The following GRM7 variants were observed in gnomAD, a reference collection of about 807,000 sequenced individuals.
GRM7 encodes the protein metabotropic glutamate receptor 7.
Under a neutral mutation model 84.5 loss-of-function variants are expected in GRM7, and 35 were observed. That is an observed-to-expected ratio of 0.41 (90% CI 0.32 to 0.55). The LOEUF (loss-of-function observed/expected upper bound fraction) is 0.55. GRM7 is among the 20% of genes least tolerant of loss of function. The pLI, the probability that GRM7 is intolerant of heterozygous loss-of-function variation, is 0.19. For missense variants in GRM7, 1,003 were observed against 1,194.6 expected, an observed-to-expected ratio of 0.84 and a Z score of 2.36; for synonymous variants, 487 against 455.1, an observed-to-expected ratio of 1.07 and a Z score of -0.89.
At chr3:7,624,450 A>G (rs2125090862) in intron 8 of GRM7, among the ~76,000 whole-genome samples, 1 of 151,358 alleles carries the variant, frequency 6.6e-6, no homozygotes, top group African/African-American at 2.4e-5. Flanking sequence ...ACGTAATTAT[A>G]CATACATATA....
chr3:7,387,480 G>A (rs1184338841), intron 4 of GRM7, among the ~76,000 whole-genome samples: 1 of 152,130 alleles, frequency 6.6e-6, no homozygotes, highest in Non-Finnish European at 1.5e-5. Flanking sequence ...GTGAGAGATA[G>A]GGATCAAGTT....
At chr3:7,662,093 A>G (rs1699484228) in intron 8 of GRM7, among the ~76,000 whole-genome samples, 1 of 152,232 alleles carries the variant, frequency 6.6e-6, no homozygotes, top group Non-Finnish European at 1.5e-5. Context: ...ATATTGATAC[A>G]TGCAATAATA....
At chr3:7,428,595 A>G (rs1696704624) in intron 5 of GRM7, among the ~76,000 whole-genome samples, 1 of 152,076 alleles carries the variant, frequency 6.6e-6, no homozygotes, top group Non-Finnish European at 1.5e-5. Flanking sequence ...CACTCATGGG[A>G]AGATGTTTGC....
intron 1 of GRM7, among the ~76,000 whole-genome samples, chr3:7,029,315 C>CAAACAA (rs1559393960): frequency 3.2e-5 from 3 of 92,832 alleles, no homozygotes; most frequent in Admixed American, 1.1e-4. Context: ...AAAAAAAAAA[C>CAAACAA]AAAAAAAAAA....
At chr3:6,972,445 C>A (rs1277525532) in intron 1 of GRM7, among the ~76,000 whole-genome samples, 1 of 152,152 alleles carries the variant, frequency 6.6e-6, no homozygotes, top group African/African-American at 2.4e-5. Context: ...CTCAGAAATC[C>A]ATAATGATAC....
intron 2 of GRM7, among the ~76,000 whole-genome samples, chr3:7,272,686 G>A (rs76505800): frequency 0.028 from 4,196 of 151,932 alleles, 113 homozygotes; most frequent in African/African-American, 0.067. Context: ...CTTGGGATTC[G>A]TAGTGATGTG....
intron 9 of GRM7, among the ~76,000 whole-genome samples, chr3:7,701,317 T>TG (rs1701219199): frequency 6.8e-6 from 1 of 147,998 alleles, no homozygotes; most frequent in African/African-American, 2.5e-5. Flanking sequence ...TTTTTTTTTT[T>TG]TGAGACGGAA....
At chr3:7,162,159 T>C (rs748685408) in intron 2 of GRM7, among the ~76,000 whole-genome samples, 1 of 152,146 alleles carries the variant, frequency 6.6e-6, no homozygotes, top group South Asian at 2.1e-4. Flanking sequence ...AGTGAAGCAG[T>C]TGAACAGGTA....
At chr3:7,221,804 A>ATTTTTTT (rs540956206) in intron 2 of GRM7, among the ~76,000 whole-genome samples, 23 of 97,350 alleles carry the variant, frequency 2.4e-4, no homozygotes, top group East Asian at 5.9e-4. Flanking sequence ...AATTTCTTGT[A>ATTTTTTT]TTTTTTTTTT....
At chr3:6,951,439 T>C (rs1692759386) in intron 1 of GRM7, among the ~76,000 whole-genome samples, 1 of 152,320 alleles carries the variant, frequency 6.6e-6, no homozygotes, top group South Asian at 2.1e-4. Context: ...AATTTCCCCT[T>C]AAGTACTACT....
intron 2 of GRM7, among the ~76,000 whole-genome samples, chr3:7,163,715 T>G (rs1694708783): frequency 1.3e-5 from 2 of 152,142 alleles, no homozygotes; most frequent in South Asian, 2.1e-4. Context: ...AACTGAACTA[T>G]GTGAAGAACT....
At chr3:7,224,119 ATT>A (rs1415900969) in intron 2 of GRM7, among the ~76,000 whole-genome samples, 1 of 152,186 alleles carries the variant, frequency 6.6e-6, no homozygotes, top group African/African-American at 2.4e-5. Context: ...ACATCTGGCT[ATT>A]TAAAAAGAAA....
chr3:7,029,328 CAA>C (rs1239487786), intron 1 of GRM7, among the ~76,000 whole-genome samples: 56 of 140,084 alleles, frequency 4.0e-4, no homozygotes, highest in Non-Finnish European at 7.8e-4. Flanking sequence ...AAAAAAAAAA[CAA>C]ACAAAAAAAA....
rs186833216 is a variant in GRM7, at chr3:7,113,182, C to A, written c.520-33270C>A. 2.9e-3 allele frequency among the ~76,000 whole-genome samples: 439 copies of A among 151,610 alleles called. 3 individuals are homozygous for A. Among genetic ancestry groups the A allele is most frequent in the African/African-American group, 0.01 (426 of 41,328 alleles). On this transcript the variant is annotated intron_variant, in intron 1 of 9. Coordinates refer to ENST00000357716, the MANE Select transcript of GRM7 (RefSeq NM_000844.4). The stretch of plus-strand genomic sequence containing the variant: ...TACTTGAAATGTTTCTTTCAAAATA[C>A]GTGAAAAAAATTAAAAAATATGTAC...
intron 1 of GRM7, among the ~76,000 whole-genome samples, chr3:7,092,133 G>C (rs1232563997): frequency 2.0e-5 from 3 of 151,944 alleles, no homozygotes; most frequent in Non-Finnish European, 2.9e-5. Flanking sequence ...CTCAACCTCC[G>C]GAGAAGCTGG....
chr3:6,868,548 C>T lies in GRM7; in HGVS notation c.519+6641C>T, dbSNP rs533903213. 5.9e-5 allele frequency among the ~76,000 whole-genome samples: 9 copies of T among 152,196 alleles called. No individual in the cohort carries two copies. The East Asian group carries it at 1.4e-3, about 23-fold the overall frequency. On this transcript the variant is annotated intron_variant, in intron 1 of 9. Coordinates refer to ENST00000357716, the MANE Select transcript of GRM7 (RefSeq NM_000844.4). ...ATAAATATACAGTAGACTTTTCATT[C>T]AAATAAATGAGAAAAGATGTTTCAT... is the stretch of plus-strand genomic sequence containing the variant.
At chr3:7,618,042 T>TA (rs2125085740) in intron 8 of GRM7, among the ~76,000 whole-genome samples, 1 of 152,222 alleles carries the variant, frequency 6.6e-6, no homozygotes, top group Admixed American at 6.5e-5. Context: ...TGGTTAGAAA[T>TA]ACCTATAGCA....
chr3:7,571,246 A>C (rs944698843), intron 7 of GRM7, among the ~76,000 whole-genome samples: 12 of 152,126 alleles, frequency 7.9e-5, no homozygotes, highest in Non-Finnish European at 1.6e-4. Flanking sequence ...GCTGGCTTGG[A>C]ATTTTCCTCA....
In GRM7 at chr3:7,257,467, C is replaced by G. The variant is rs866952113; in HGVS notation, c.737-41217C>G. 5.9e-5 allele frequency among the ~76,000 whole-genome samples: 9 copies of G among 152,288 alleles called. No individual in the cohort carries two copies. In the South Asian group the frequency reaches 1.9e-3, roughly 32 times the overall value. On this transcript the variant is annotated intron_variant, in intron 2 of 9. Coordinates refer to ENST00000357716, the MANE Select transcript of GRM7 (RefSeq NM_000844.4). ...ATACCTTAAGAAGCTCAATTTCTCA[C>G]CAGATGGCAGTATTCAGAGATGGAA...
Sources: allele counts gnomAD v4.1 joint callset (sites outside exome capture counted in the v4.1 genomes callset), GRCh38; gene constraint gnomAD v4.1.1; transcripts MANE v1.5; gene names NCBI Gene and HGNC (gene_info 2026-07-23, HGNC 2026-07-21).